Variants in DIAPH2 observed in about 807,000 individuals in gnomAD.
DIAPH2 encodes the protein diaphanous related formin 2.
In DIAPH2, 35 loss-of-function variants were observed where a neutral mutation model predicts 92.7. That is an observed-to-expected ratio of 0.38 (90% CI 0.29 to 0.50). DIAPH2 has a LOEUF of 0.50. DIAPH2 is among the 20% of genes least tolerant of loss of function. The pLI, the probability that DIAPH2 is intolerant of heterozygous loss-of-function variation, is 0.94. For missense variants in DIAPH2, 701 were observed against 819.5 expected (o/e 0.86, Z 1.77); for synonymous variants, 301 against 280.4 (o/e 1.07, Z -0.73).
chrX:97,400,499 A>G (rs2069745432), intron 25 of DIAPH2, among the ~76,000 whole-genome samples: 2 of 112,008 alleles, frequency 1.8e-5, no homozygotes, highest in Admixed American at 1.9e-4. Flanking sequence ...TCTAATTAAC[A>G]TATTCATCAC....
intron 26 of DIAPH2, among the ~76,000 whole-genome samples, chrX:97,476,004 G>A (rs1204204686): frequency 9.0e-6 from 1 of 110,950 alleles, no homozygotes; most frequent in Non-Finnish European, 1.9e-5. Context: ...GTAAAATTTA[G>A]TTTAATTGGA....
At chrX:96,956,333 CTA>C (rs34340921) in intron 15 of DIAPH2, among the ~76,000 whole-genome samples, 11,340 of 111,417 alleles carry the variant, frequency 0.1, 540 homozygotes, top group East Asian at 0.32. Context: ...GCACAGGAAA[CTA>C]TTTTTCTCTC....
At chrX:96,939,467 TA>T (rs2065679335) in intron 12 of DIAPH2, 85 bp downstream of exon 12, 2 of 316,404 alleles carry the variant, frequency 6.3e-6, no homozygotes, top group African/African-American at 6.3e-5. Flanking sequence ...GCCTAAGCAA[TA>T]TATGCATATG....
chrX:97,310,869 G>C (rs1452670248), intron 23 of DIAPH2, among the ~76,000 whole-genome samples: 1 of 111,466 alleles, frequency 9.0e-6, no homozygotes, highest in African/African-American at 3.3e-5. Context: ...AATTAGCCGG[G>C]CATGGTGGCA....
chrX:97,576,603 A>G (rs1399523373), intron 26 of DIAPH2, among the ~76,000 whole-genome samples: 1 of 111,697 alleles, frequency 9.0e-6, no homozygotes, highest in African/African-American at 3.2e-5. Flanking sequence ...TGACTGCAGA[A>G]TGTGATATTG....
At chrX:96,931,318 GTTTC>G (rs1208060416) in intron 10 of DIAPH2, among the ~76,000 whole-genome samples, 1 of 111,415 alleles carries the variant, frequency 9.0e-6, no homozygotes, top group Non-Finnish European at 1.9e-5. Context: ...AAAACAATTT[GTTTC>G]TTAAATTAAA....
chrX:97,592,610 G>A (rs1047152954), intron 26 of DIAPH2, among the ~76,000 whole-genome samples: 5 of 111,893 alleles, frequency 4.5e-5, no homozygotes, highest in African/African-American at 1.6e-4. Flanking sequence ...ACATCATACC[G>A]TGAACAATAT....
intron 26 of DIAPH2, among the ~76,000 whole-genome samples, chrX:97,477,610 A>T (rs1274413675): frequency 2.3e-5 from 2 of 88,705 alleles, no homozygotes; most frequent in Admixed American, 2.5e-4. Context: ...GTCTAAAAAA[A>T]AATCTATCTA....
intron 26 of DIAPH2, among the ~76,000 whole-genome samples, chrX:97,546,761 A>G (rs2071184067): frequency 9.0e-6 from 1 of 110,620 alleles, no homozygotes; most frequent in Non-Finnish European, 1.9e-5. Flanking sequence ...ACTCGAACCC[A>G]GGAGGCGGAG....
chrX:96,837,474 G>C (rs1024309904), intron 4 of DIAPH2, among the ~76,000 whole-genome samples: 10 of 93,839 alleles, frequency 1.1e-4, no homozygotes, highest in East Asian at 4.0e-4. Context: ...TGTAGTACTA[G>C]TAGTAGTAGA....
intron 4 of DIAPH2, among the ~76,000 whole-genome samples, chrX:96,785,495 T>TTTTTTTTTTTTG (rs2064448595): frequency 1.1e-5 from 1 of 93,240 alleles, no homozygotes; most frequent in East Asian, 3.7e-4. Flanking sequence ...TTTTTTTTTT[T>TTTTTTTTTTTTG]TTGGAGACAG....
rs1319231475 is a variant in DIAPH2, at chrX:97,570,114, AT to A, written c.3242-29138del. Among the ~76,000 whole-genome samples the A allele has an allele frequency of 1.7e-3, 54 of 31,147 alleles. 1 individual carries two copies. Among genetic ancestry groups the A allele is most frequent in the African/African-American group, 5.6e-3 (54 of 9,622 alleles). The allele number at this position is 31,147 out of a possible 115,157, so 27.0% of individuals were successfully genotyped here. A position where few individuals can be genotyped will look rare whatever the true frequency, so the allele number is the denominator to read the frequency against. On this transcript the variant is annotated intron_variant, in intron 26 of 26. Coordinates refer to ENST00000324765, the MANE Select transcript of DIAPH2 (RefSeq NM_006729.5). The stretch of plus-strand genomic sequence containing the variant: ...TATATATATATATATATATATATAT[AT>A]ATATATATTAGAAGATAGATAGATA...
At chrX:97,039,611 C>G (rs2066434757) in intron 17 of DIAPH2, among the ~76,000 whole-genome samples, 1 of 111,359 alleles carries the variant, frequency 9.0e-6, no homozygotes, top group South Asian at 3.8e-4. Flanking sequence ...TCCTATTTCT[C>G]TTCCTGAGTC....
At chrX:96,896,789 C>T (rs1399850107) in intron 5 of DIAPH2, among the ~76,000 whole-genome samples, 1 of 111,893 alleles carries the variant, frequency 8.9e-6, no homozygotes, top group Non-Finnish European at 1.9e-5. Flanking sequence ...AAAATAGGTA[C>T]AAGTCAGGTT....
intron 22 of DIAPH2, among the ~76,000 whole-genome samples, chrX:97,148,561 C>T (rs1480540456): frequency 1.8e-5 from 2 of 110,918 alleles, no homozygotes; most frequent in African/African-American, 3.3e-5. Flanking sequence ...CTTACAATCT[C>T]GGTGCTATCA....
At chrX:96,975,107 G>A (rs2065952375) in intron 17 of DIAPH2, among the ~76,000 whole-genome samples, 1 of 111,832 alleles carries the variant, frequency 8.9e-6, no homozygotes, top group African/African-American at 3.2e-5. Context: ...TATTTGAAAT[G>A]CATATAAATG....
rs963651897 is a variant in DIAPH2 at position 97,601,181 on chromosome X, C to T, written c.*1864C>T. ...CAAAGTCTTTCTTTTCTGAAATCTT[C>T]GTGGTATGGCTTTTTTAATTCTTTT... On this transcript the variant is annotated 3_prime_UTR_variant, in exon 27 of 27. Coordinates refer to ENST00000324765, the MANE Select transcript of DIAPH2 (RefSeq NM_006729.5). 5.4e-5 allele frequency: 6 copies of T among 111,851 alleles called. No individual in the cohort carries two copies. Among genetic ancestry groups the T allele is most frequent in the African/African-American group, 9.8e-5 (3 of 30,701 alleles). 9.2% of individuals were successfully genotyped at this position (111,851 alleles called of 1,213,427 possible). A position where few individuals can be genotyped will look rare whatever the true frequency, so the allele number is the denominator to read the frequency against.
intron 5 of DIAPH2, among the ~76,000 whole-genome samples, chrX:96,888,104 A>G (rs1193879345): frequency 1.9e-5 from 2 of 107,561 alleles, no homozygotes; most frequent in Non-Finnish European, 3.8e-5. Context: ...CTTGTGGCCC[A>G]GGCTGGAGTG....
intron 23 of DIAPH2, among the ~76,000 whole-genome samples, chrX:97,261,942 C>T (rs1173272158): frequency 1.8e-5 from 2 of 110,083 alleles, no homozygotes. Context: ...ATTCATCACA[C>T]CAGTATTGAT....
Sources: allele counts gnomAD v4.1 joint callset (sites outside exome capture counted in the v4.1 genomes callset), GRCh38; gene constraint gnomAD v4.1.1; transcripts MANE v1.5; gene names NCBI Gene and HGNC (gene_info 2026-07-23, HGNC 2026-07-21).